SEMA3C: variants seen among roughly 807,000 people sequenced by gnomAD.
The protein encoded by SEMA3C is semaphorin-3C.
Under a neutral mutation model 89.4 loss-of-function variants are expected in SEMA3C, and 47 were observed. The ratio of observed to expected loss-of-function variants is 0.53; its 90% confidence interval spans 0.42 to 0.67. The LOEUF (loss-of-function observed/expected upper bound fraction) is 0.67, where lower values mean the gene tolerates loss of function less well. Ranked by LOEUF, SEMA3C falls within the 30% of genes least tolerant of loss-of-function variation. SEMA3C has a pLI of 0.00. For missense variants in SEMA3C, 839 were observed against 929.1 expected (o/e 0.90, Z 1.26); for synonymous variants, 310 against 320.2 (o/e 0.97, Z 0.34).
chr7:80,794,234 C>A (rs138109261), intron 11 of SEMA3C, among the ~76,000 whole-genome samples: 1 of 151,996 alleles, frequency 6.6e-6, no homozygotes, highest in African/African-American at 2.4e-5. Flanking sequence ...AATTTATCCA[C>A]GTCCAATCAC....
At position 80,745,292 on chromosome 7, in the gene SEMA3C, G is replaced by A. The variant is rs369850659; in HGVS notation, c.1858C>T (p.Arg620Ter). ...DRRKEVKLNE[R>*]IIATSQGLLI... ...AGTCCCTGTGAAGTGGCTATTATTC[G>A]TTCATTCAGCTTAACCTAAAAGAGA... The change falls in exon 18 of 18, where the codon CGA (arginine) becomes TGA (stop). Residue 620 changes from arginine to a stop codon, truncating the protein, a stop_gained. Transcript: ENST00000265361. LOFTEE classifies it high-confidence loss of function. 3.7e-6 allele frequency: 6 copies of A among 1,613,286 alleles called. No individual in the cohort carries two copies. Among genetic ancestry groups the A allele is most frequent in the Non-Finnish European group, 5.1e-6 (6 of 1,179,826 alleles).
intron 11 of SEMA3C, chr7:80,796,656 G>A (rs1789073424): frequency 6.6e-6 from 1 of 152,122 alleles, no homozygotes; most frequent in South Asian, 2.1e-4. Flanking sequence ...CATCTTAAAG[G>A]ATAATATAAA....
intron 6 of SEMA3C, among the ~76,000 whole-genome samples, chr7:80,808,997 G>C (rs564066106): frequency 3.3e-5 from 5 of 152,036 alleles, no homozygotes; most frequent in African/African-American, 1.2e-4. Flanking sequence ...GGCTGGTCTC[G>C]AACTTCCAGC....
intron 11 of SEMA3C, among the ~76,000 whole-genome samples, chr7:80,794,001 C>T (rs1789003992): frequency 6.6e-6 from 1 of 151,874 alleles, no homozygotes; most frequent in Non-Finnish European, 1.5e-5. Context: ...CCTTGGTAAT[C>T]CAAGCCCTTT....
intron 2 of SEMA3C, among the ~76,000 whole-genome samples, chr7:80,902,308 T>A (rs1468176966): frequency 6.6e-6 from 1 of 152,210 alleles, no homozygotes; most frequent in African/African-American, 2.4e-5. Context: ...TAGCCAACAC[T>A]GACAATTTTC....
chr7:80,874,383 T>G (rs1338429091), intron 2 of SEMA3C, among the ~76,000 whole-genome samples: 2 of 152,184 alleles, frequency 1.3e-5, no homozygotes, highest in Admixed American at 6.6e-5. Context: ...TGATAAGTAA[T>G]TGTTTTTACA....
intron 2 of SEMA3C, among the ~76,000 whole-genome samples, chr7:80,859,611 A>T (rs1434505992): frequency 6.6e-6 from 1 of 152,178 alleles, no homozygotes; most frequent in East Asian, 1.9e-4. Flanking sequence ...GTCAAACGCA[A>T]AGTTTAGCTG....
intron 2 of SEMA3C, among the ~76,000 whole-genome samples, chr7:80,846,851 T>C (rs1013495398): frequency 2.6e-5 from 4 of 152,120 alleles, no homozygotes; most frequent in African/African-American, 9.7e-5. Flanking sequence ...AAACTACACT[T>C]AAGAGGAGTT....
chr7:80,783,519 A>G (rs1327577693), intron 12 of SEMA3C, among the ~76,000 whole-genome samples: 1 of 152,214 alleles, frequency 6.6e-6, no homozygotes, highest in Admixed American at 6.5e-5. Flanking sequence ...CTTACGCCAA[A>G]GCAAAGGAGA....
chr7:80,908,314 G>A (rs958465190), intron 2 of SEMA3C, among the ~76,000 whole-genome samples: 1 of 152,114 alleles, frequency 6.6e-6, no homozygotes, highest in South Asian at 2.1e-4. Flanking sequence ...AAATTTCAGC[G>A]ATGAATGAAG....
chr7:80,823,974 G>C (rs952671895), intron 4 of SEMA3C, among the ~76,000 whole-genome samples: 1 of 152,018 alleles, frequency 6.6e-6, no homozygotes, highest in Non-Finnish European at 1.5e-5. Flanking sequence ...CAGAAAATCC[G>C]ACCATGAAAA....
rs191369828 is a variant in SEMA3C, at chr7:80,894,490, T to A, written c.103+22189A>T. Among the ~76,000 whole-genome samples, 207 of 152,232 alleles carry A rather than the reference T, an allele frequency of 1.4e-3. 2 individuals are homozygous for A. The highest frequency in any genetic ancestry group is 4.2e-3 in the Admixed American group (64 of 15,288). On this transcript the variant is annotated intron_variant, in intron 2 of 17. Transcript: ENST00000265361. The stretch of plus-strand genomic sequence containing the variant: ...ATAGCCACATGTTTCTACAAAAAAA[T>A]TTTTTTAATCACACATTGCTCCAAA...
chr7:80,869,833 T>C (rs1434461928), intron 2 of SEMA3C, among the ~76,000 whole-genome samples: 1 of 152,174 alleles, frequency 6.6e-6, no homozygotes, highest in Non-Finnish European at 1.5e-5. Flanking sequence ...GGGTGTCTTA[T>C]GGAAATCTCT....
chr7:80,761,570 C>A, intron 14 of SEMA3C, 46 bp downstream of exon 14: 2 of 1,030,556 alleles, frequency 1.9e-6, no homozygotes, highest in Admixed American at 2.5e-5. Flanking sequence ...TTCATAACAA[C>A]AAAACATTTC....
intron 2 of SEMA3C, among the ~76,000 whole-genome samples, chr7:80,845,570 G>A (rs1258965891): frequency 6.6e-6 from 1 of 152,060 alleles, no homozygotes; most frequent in Non-Finnish European, 1.5e-5. Context: ...GAGCCTTGCT[G>A]ATTTTACCTC....
rs1283817567 is a variant in SEMA3C, at chr7:80,745,098, C to T, written c.2052G>A (p.Arg684=). ...TGTCCTTCGGGTGGAAGGGTAAAGCCCTCACAGAGCTGGCCCAGGTCCATG... is the reference window on the plus strand; with the variant it reads ...TGTCCTTCGGGTGGAAGGGTAAAGCTCTCACAGAGCTGGCCCAGGTCCATG... ...WSPWTWASSV[R]ALPFHPKDIM... The change falls in exon 18 of 18, where the codon AGG becomes AGA. Residue 684 remains arginine (R), a synonymous_variant. Transcript: ENST00000265361. 1.2e-6 allele frequency: 2 copies of T among 1,613,874 alleles called. No individual in the cohort carries two copies. Among genetic ancestry groups the T allele is most frequent in the East Asian group, 4.5e-5 (2 of 44,876 alleles).
chr7:80,786,746 T>C (rs1314621600), intron 12 of SEMA3C, among the ~76,000 whole-genome samples: 1 of 152,218 alleles, frequency 6.6e-6, no homozygotes, highest in East Asian at 1.9e-4. Context: ...TGATTTTCAA[T>C]TTATCTTGAC....
intron 4 of SEMA3C, among the ~76,000 whole-genome samples, chr7:80,818,823 T>A (rs1167112535): frequency 6.6e-6 from 1 of 152,156 alleles, no homozygotes; most frequent in Admixed American, 6.6e-5. Flanking sequence ...TATTTGCACC[T>A]CTTAAAGGTA....
At chr7:80,833,735 A>G (rs1378069906) in intron 2 of SEMA3C, among the ~76,000 whole-genome samples, 1 of 152,136 alleles carries the variant, frequency 6.6e-6, no homozygotes, top group African/African-American at 2.4e-5. Context: ...GTTAGTAGTC[A>G]TAATTGAACT....
Sources: allele counts gnomAD v4.1 joint callset (sites outside exome capture counted in the v4.1 genomes callset), GRCh38; gene constraint gnomAD v4.1.1; transcripts MANE v1.5; gene names NCBI Gene and HGNC (gene_info 2026-07-23, HGNC 2026-07-21).